Variants in KCNQ1 observed in about 807,000 individuals in gnomAD.
KCNQ1 encodes the protein potassium voltage-gated channel subfamily KQT member 1.
Under a neutral mutation model 72.4 loss-of-function variants are expected in KCNQ1, and 49 were observed. That is an observed-to-expected ratio of 0.68 (90% CI 0.54 to 0.86). KCNQ1 has a LOEUF of 0.86. Among genes scored for constraint, KCNQ1 ranks in the 40% least tolerant of loss-of-function variants. KCNQ1 has a pLI of 0.00. For missense variants in KCNQ1, 790 were observed against 945.1 expected, an observed-to-expected ratio of 0.84 and a Z score of 2.15; for synonymous variants, 450 against 412.6, an observed-to-expected ratio of 1.09 and a Z score of -1.10.
chr11:2,728,460 A>G (rs984375928), intron 11 of KCNQ1, among the ~76,000 whole-genome samples: 3 of 152,200 alleles, frequency 2.0e-5, no homozygotes, highest in Non-Finnish European at 2.9e-5. Flanking sequence ...GCTTGGTGAC[A>G]AGAGCTAGGC....
At chr11:2,730,620 A>AG (rs1845841013) in intron 11 of KCNQ1, among the ~76,000 whole-genome samples, 1 of 152,174 alleles carries the variant, frequency 6.6e-6, no homozygotes, top group East Asian at 1.9e-4. Context: ...CCCAGGAGGC[A>AG]GGTGGACTTT....
In KCNQ1 at chr11:2,563,476, C is replaced by T. The variant is rs974057541; in HGVS notation, c.478-7152C>T. 4.6e-5 allele frequency among the ~76,000 whole-genome samples: 7 copies of T among 152,246 alleles called. No homozygotes were observed. Among genetic ancestry groups the T allele is most frequent in the African/African-American group, 1.2e-4 (5 of 41,468 alleles). On this transcript the variant is annotated intron_variant, in intron 2 of 15. Coordinates refer to ENST00000155840, the MANE Select transcript of KCNQ1 (RefSeq NM_000218.3). The surrounding 1 kb of genome is among the most constrained non-coding windows in gnomAD (Gnocchi z 7.4). The stretch of plus-strand genomic sequence containing the variant: ...ACCAGCATGGGGTCGGCCTGCGGGG[C>T]CATGTGTCTCCTCCTGTGTGACCTT...
At position 2,713,185 on chromosome 11, in the gene KCNQ1, G is replaced by A. The variant is rs1343656359; in HGVS notation, c.1514+51104G>A. ...ACCATGCCTGGGATGTGGCTTCCGTGGACTGAGCAGCCTGGAGCCCCTACT... is the reference window on the plus strand; with the variant it reads ...ACCATGCCTGGGATGTGGCTTCCGTAGACTGAGCAGCCTGGAGCCCCTACT... On this transcript the variant is annotated intron_variant, in intron 11 of 15. Coordinates refer to ENST00000155840, the MANE Select transcript of KCNQ1 (RefSeq NM_000218.3). This position sits in a 1 kb window ranked among gnomAD's most constrained non-coding sequence, Gnocchi z 5.6. Among the ~76,000 whole-genome samples the A allele has an allele frequency of 6.6e-6, 1 of 152,092 alleles. No homozygotes were observed. The highest frequency in any genetic ancestry group is 1.5e-5 in the Non-Finnish European group (1 of 68,020).
intron 11 of KCNQ1, chr11:2,666,401 A>G (rs1017248285): frequency 2.3e-5 from 9 of 398,564 alleles, no homozygotes; most frequent in Non-Finnish European, 3.5e-5. Context: ...ATCCTTGAGC[A>G]AAAACAGCCC....
Position 2,782,089 on chromosome 11 carries a change from C to T in KCNQ1, c.1794+4052C>T, listed in dbSNP as rs1041315369. Reference sequence around the variant, plus strand: ...CCCTTTCCCTCATTCCAGTGTGACTCCTCCATCAACCAGGCCACAAGCTGG... The same window carrying T: ...CCCTTTCCCTCATTCCAGTGTGACTTCTCCATCAACCAGGCCACAAGCTGG... On this transcript the variant is annotated intron_variant, in intron 15 of 15. Coordinates refer to ENST00000155840, the MANE Select transcript of KCNQ1 (RefSeq NM_000218.3). This position sits in a 1 kb window ranked among gnomAD's most constrained non-coding sequence, Gnocchi z 6.1. Among the ~76,000 whole-genome samples, 4 of 152,152 alleles carry T rather than the reference C, an allele frequency of 2.6e-5. No homozygotes were observed. Among genetic ancestry groups the T allele is most frequent in the Non-Finnish European group, 5.9e-5 (4 of 68,042 alleles).
chr11:2,798,374 C>T (rs1847181957), intron 15 of KCNQ1, among the ~76,000 whole-genome samples: 1 of 152,218 alleles, frequency 6.6e-6, no homozygotes, highest in Admixed American at 6.5e-5. Context: ...TCAGAACTCA[C>T]CTGCCCATGG....
intron 10 of KCNQ1, chr11:2,609,997 C>T (rs1046714049): frequency 2.0e-5 from 8 of 397,822 alleles, no homozygotes; most frequent in African/African-American, 1.6e-4. Flanking sequence ...ATTGTTTAAT[C>T]CATTCACATT....
intron 11 of KCNQ1, among the ~76,000 whole-genome samples, chr11:2,765,099 T>C (rs952225180): frequency 1.3e-5 from 2 of 152,254 alleles, no homozygotes; most frequent in African/African-American, 2.4e-5. Context: ...GCCTTTCCTC[T>C]GCTCTGAGAT....
At position 2,661,655 on chromosome 11, in the gene KCNQ1, G is replaced by C; in HGVS notation, c.1394-306G>C. ...GACCCAAGTGTCAGTTGTGAACATG[G>C]GAAGAGGCCCAGAACCTGAGGTGGG... On this transcript the variant is annotated intron_variant, in intron 10 of 15. Coordinates refer to ENST00000155840, the MANE Select transcript of KCNQ1 (RefSeq NM_000218.3). The surrounding 1 kb of genome is among the most constrained non-coding windows in gnomAD (Gnocchi z 5.9). The C allele has an allele frequency of 1.7e-6, 1 of 594,680 alleles. No homozygotes were observed. Among genetic ancestry groups the C allele is most frequent in the Non-Finnish European group, 3.0e-6 (1 of 333,566 alleles). The allele number at this position is 594,680 out of a possible 1,614,324, so 36.8% of individuals were successfully genotyped here.
At chr11:2,811,845 A>C (rs575256501) in intron 15 of KCNQ1, among the ~76,000 whole-genome samples, 1 of 152,312 alleles carries the variant, frequency 6.6e-6, no homozygotes, top group African/African-American at 2.4e-5. Flanking sequence ...TCAAGCCTGG[A>C]AAACGGTGCT....
At chr11:2,460,446 C>T (rs1846259474) in intron 1 of KCNQ1, among the ~76,000 whole-genome samples, 1 of 152,218 alleles carries the variant, frequency 6.6e-6, no homozygotes, top group South Asian at 2.1e-4. Context: ...TGGCATCAGT[C>T]CTGCTTCCCA....
Position 2,767,168 on chromosome 11 carries a change from A to ATG in KCNQ1, c.1515-1660_1515-1659dup, listed in dbSNP as rs149262552. 4.7e-4 allele frequency among the ~76,000 whole-genome samples: 71 copies of ATG among 150,298 alleles called. No homozygotes were observed. Among genetic ancestry groups the ATG allele is most frequent in the East Asian group, 1.6e-3 (8 of 5,144 alleles). ...GGCAATAGAGCGAGACTCCATCTATATGTGTGTGTGTGTGTGTATTTTTTT... is the reference window on the plus strand; with the variant it reads ...GGCAATAGAGCGAGACTCCATCTATATGTGTGTGTGTGTGTGTGTATTTTTTT... On this transcript the variant is annotated intron_variant, in intron 11 of 15. Coordinates refer to ENST00000155840, the MANE Select transcript of KCNQ1 (RefSeq NM_000218.3). This position sits in a 1 kb window ranked among gnomAD's most constrained non-coding sequence, Gnocchi z 4.6.
intron 11 of KCNQ1, among the ~76,000 whole-genome samples, chr11:2,727,419 G>C (rs1845783406): frequency 6.6e-6 from 1 of 152,178 alleles, no homozygotes; most frequent in Non-Finnish European, 1.5e-5. Context: ...CAGGTGTCAG[G>C]GACCACCAGG....
intron 11 of KCNQ1, among the ~76,000 whole-genome samples, chr11:2,741,753 G>A (rs976358309): frequency 5.9e-5 from 9 of 152,242 alleles, no homozygotes; most frequent in Non-Finnish European, 1.3e-4. Context: ...CTCCTTGCAG[G>A]GGCAGCTGCG....
chr11:2,843,651 G>C (rs923692048), intron 15 of KCNQ1, among the ~76,000 whole-genome samples: 1 of 152,216 alleles, frequency 6.6e-6, no homozygotes, highest in South Asian at 2.1e-4. Flanking sequence ...GATCAAGGCC[G>C]GGCAGGTTCT....
chr11:2,588,202 C>T lies in KCNQ1; in HGVS notation c.1251+510C>T, dbSNP rs1446727641. Among the ~76,000 whole-genome samples the T allele has an allele frequency of 1.3e-5, 2 of 152,062 alleles. No individual in the cohort carries two copies. The highest frequency in any genetic ancestry group is 2.4e-5 in the African/African-American group (1 of 41,378). On this transcript the variant is annotated intron_variant, in intron 9 of 15. Coordinates refer to ENST00000155840, the MANE Select transcript of KCNQ1 (RefSeq NM_000218.3). This position sits in a 1 kb window ranked among gnomAD's most constrained non-coding sequence, Gnocchi z 5.6. ...CATAAGGGGTTGGGGCTGACGCTGG[C>T]ATGGTTCCCCTTCCTGGCCCGTGCC...
Position 2,748,573 on chromosome 11 carries a change from C to T in KCNQ1, c.1515-20271C>T, listed in dbSNP as rs563013379. ...GGTGGGACAAGCCTGGCAACCAGGACCCAGCATGAAACTGCAGGTGCAGGA... is the reference window on the plus strand; with the variant it reads ...GGTGGGACAAGCCTGGCAACCAGGATCCAGCATGAAACTGCAGGTGCAGGA... On this transcript the variant is annotated intron_variant, in intron 11 of 15. Coordinates refer to ENST00000155840, the MANE Select transcript of KCNQ1 (RefSeq NM_000218.3). This position sits in a 1 kb window ranked among gnomAD's most constrained non-coding sequence, Gnocchi z 6.2. Among the ~76,000 whole-genome samples, 3 of 152,212 alleles carry T rather than the reference C, an allele frequency of 2.0e-5. No homozygotes were observed. The highest frequency in any genetic ancestry group is 6.5e-5 in the Admixed American group (1 of 15,284).
At chr11:2,838,392 G>T (rs1450203146) in intron 15 of KCNQ1, among the ~76,000 whole-genome samples, 2 of 152,188 alleles carry the variant, frequency 1.3e-5, no homozygotes, top group Non-Finnish European at 2.9e-5. Flanking sequence ...ATGGGGGCTG[G>T]GCCAGACCAC....
rs780354254 is a variant in KCNQ1, at chr11:2,447,912, G to A, written c.386+2428G>A. ...CAGGATATCCTGTCCCCTCCTCGGG[G>A]AACCCCCCCTCCCCAGGAGAGCAGC... On this transcript the variant is annotated intron_variant, in intron 1 of 15. Transcript: ENST00000155840. This position sits in a 1 kb window ranked among gnomAD's most constrained non-coding sequence, Gnocchi z 7.6. 3.9e-5 allele frequency among the ~76,000 whole-genome samples: 6 copies of A among 152,160 alleles called. No individual in the cohort carries two copies. Among genetic ancestry groups the A allele is most frequent in the Non-Finnish European group, 8.8e-5 (6 of 68,010 alleles).
Sources: gnomAD v4.1 joint callset for allele counts (sites outside exome capture counted in the v4.1 genomes callset) on GRCh38, gnomAD v4.1.1 for gene constraint, Gnocchi (gnomAD v3.1) non-coding constraint, MANE v1.5 for transcripts, NCBI Gene and HGNC (gene_info 2026-07-23, HGNC 2026-07-21) for gene names.